AHCYL2: variants seen among roughly 807,000 people sequenced by gnomAD.
The protein encoded by AHCYL2 is S-adenosylhomocysteine hydrolase-like protein 2.
AHCYL2 carries 28 observed loss-of-function variants against 81.4 expected under a neutral mutation model. The ratio of observed to expected loss-of-function variants is 0.34; its 90% confidence interval spans 0.25 to 0.47. AHCYL2 has a LOEUF of 0.47. AHCYL2 is among the 20% of genes least tolerant of loss of function. The probability of loss-of-function intolerance (pLI) is 1.00; values close to 1 mark genes in which losing one functional copy is unlikely to be tolerated. For synonymous variants in AHCYL2, 272 were observed against 290.2 expected, an observed-to-expected ratio of 0.94 and a Z score of 0.64; for missense variants, 551 against 785.1, an observed-to-expected ratio of 0.70 and a Z score of 3.56.
intron 1 of AHCYL2, among the ~76,000 whole-genome samples, chr7:129,353,073 G>A (rs1001195008): frequency 7.9e-5 from 12 of 151,060 alleles, no homozygotes; most frequent in African/African-American, 2.7e-4. Flanking sequence ...AGCCTTCTGA[G>A]TAGCTGGGAT....
chr7:129,290,929 C>CA lies in AHCYL2; in HGVS notation c.363+65502dup, dbSNP rs1436774012. Reference sequence around the variant, plus strand: ...TGGGCGACAGAGTGAGACTCCATCTCAAAAAAAAAAAACAAAACAAAACAG... The same window carrying CA: ...TGGGCGACAGAGTGAGACTCCATCTCAAAAAAAAAAAAACAAAACAAAACAG... On this transcript the variant is annotated intron_variant, in intron 1 of 16. Coordinates refer to ENST00000325006, the MANE Select transcript of AHCYL2 (RefSeq NM_015328.4). Among the ~76,000 whole-genome samples the CA allele has an allele frequency of 6.6e-3, 780 of 118,936 alleles. 3 individuals carry two copies. The highest frequency in any genetic ancestry group is 9.5e-3 in the African/African-American group (305 of 32,122). 78.0% of individuals were successfully genotyped at this position (118,936 alleles called of 152,430 possible). A position where few individuals can be genotyped will look rare whatever the true frequency, so the allele number is the denominator to read the frequency against.
chr7:129,332,695 G>A (rs2150805117), intron 1 of AHCYL2, among the ~76,000 whole-genome samples: 1 of 152,232 alleles, frequency 6.6e-6, no homozygotes, highest in African/African-American at 2.4e-5. Context: ...AACATAATTT[G>A]AGCCGATCAT....
At chr7:129,245,185 T>C (rs6970267) in intron 1 of AHCYL2, among the ~76,000 whole-genome samples, 142,704 of 151,998 alleles carry the variant, frequency 0.94, 67,624 homozygotes, top group East Asian at 1. Context: ...CCACCATGCC[T>C]AGCTAATTTT....
At chr7:129,388,449 A>G (rs960133701) in intron 2 of AHCYL2, among the ~76,000 whole-genome samples, 7 of 152,226 alleles carry the variant, frequency 4.6e-5, no homozygotes, top group African/African-American at 1.4e-4. Context: ...AAAATGCCTA[A>G]CGCCAGACCT....
At chr7:129,237,164 G>C (rs1323111963) in intron 1 of AHCYL2, among the ~76,000 whole-genome samples, 1 of 151,816 alleles carries the variant, frequency 6.6e-6, no homozygotes, top group Non-Finnish European at 1.5e-5. Context: ...TTGTGTCTTA[G>C]AATTGCCTTT....
At chr7:129,374,519 AT>A (rs1794576717) in intron 1 of AHCYL2, among the ~76,000 whole-genome samples, 1 of 151,734 alleles carries the variant, frequency 6.6e-6, no homozygotes, top group African/African-American at 2.4e-5. Context: ...AAAAAAAAAA[AT>A]CTGCCGGCTG....
At position 129,403,432 on chromosome 7, in the gene AHCYL2, C is replaced by T; in HGVS notation, c.972C>T (p.Asn324=). The T allele has an allele frequency of 6.2e-7, 1 of 1,611,674 alleles. No homozygotes were observed. Among genetic ancestry groups the T allele is most frequent in the Non-Finnish European group, 8.5e-7 (1 of 1,178,832 alleles). ...ACTGGATTTATAAAAAGTATCCCAA[C>T]ATGTTTAAGAAAATCAAGGGCATAG... ...LTHWIYKKYP[N]MFKKIKGIVE... Residue 324 remains asparagine (N), a synonymous_variant, in exon 7 of 17, where the codon AAC becomes AAT. Transcript: ENST00000325006.
At chr7:129,324,619 C>T (rs1023797061) in intron 1 of AHCYL2, among the ~76,000 whole-genome samples, 4 of 152,062 alleles carry the variant, frequency 2.6e-5, no homozygotes, top group Non-Finnish European at 4.4e-5. Context: ...GGGTTCACGC[C>T]ATTCTCCTGC....
At chr7:129,408,090 A>G (rs1796387817) in intron 10 of AHCYL2, among the ~76,000 whole-genome samples, 1 of 152,216 alleles carries the variant, frequency 6.6e-6, no homozygotes, top group African/African-American at 2.4e-5. Flanking sequence ...TCATATGTCA[A>G]TATAATCACA....
At chr7:129,364,089 A>G (rs1219085117) in intron 1 of AHCYL2, among the ~76,000 whole-genome samples, 2 of 151,682 alleles carry the variant, frequency 1.3e-5, no homozygotes, top group African/African-American at 2.4e-5. Context: ...AAATTCAAAA[A>G]TGTGCCAGGT....
chr7:129,342,993 C>T (rs1203669569), intron 1 of AHCYL2, among the ~76,000 whole-genome samples: 1 of 152,136 alleles, frequency 6.6e-6, no homozygotes, highest in Non-Finnish European at 1.5e-5. Context: ...GCCTCTGGCC[C>T]CATTTCCTTT....
intron 1 of AHCYL2, among the ~76,000 whole-genome samples, chr7:129,378,291 A>G (rs1411276810): frequency 4.0e-5 from 6 of 150,950 alleles, no homozygotes; most frequent in Non-Finnish European, 8.8e-5. Context: ...CAGCCTGGCT[A>G]CAGAGTGAGA....
At chr7:129,366,368 A>G (rs539912367) in intron 1 of AHCYL2, among the ~76,000 whole-genome samples, 1 of 152,170 alleles carries the variant, frequency 6.6e-6, no homozygotes, top group Non-Finnish European at 1.5e-5. Context: ...CATAGATATT[A>G]CCTTCCTCTC....
intron 1 of AHCYL2, among the ~76,000 whole-genome samples, chr7:129,312,162 G>GT (rs1227000061): frequency 6.6e-6 from 1 of 152,036 alleles, no homozygotes; most frequent in Non-Finnish European, 1.5e-5. Flanking sequence ...ACGGCTCACT[G>GT]TAGTCTCTAC....
chr7:129,234,336 G>T (rs940581688), intron 1 of AHCYL2, among the ~76,000 whole-genome samples: 8 of 151,920 alleles, frequency 5.3e-5, no homozygotes, highest in African/African-American at 1.7e-4. Flanking sequence ...CCTCCGCCTC[G>T]TGAGTTCAAG....
chr7:129,241,226 T>G (rs1320612889), intron 1 of AHCYL2, among the ~76,000 whole-genome samples: 3 of 152,210 alleles, frequency 2.0e-5, no homozygotes, highest in Non-Finnish European at 2.9e-5. Context: ...TTATAAACGT[T>G]AAGTTCCAAA....
At chr7:129,327,725 A>G (rs1400277660) in intron 1 of AHCYL2, among the ~76,000 whole-genome samples, 1 of 152,144 alleles carries the variant, frequency 6.6e-6, no homozygotes. Flanking sequence ...TGGCCTCCCA[A>G]AGTGCTGAGA....
At chr7:129,417,891 A>T (rs977595122) in intron 12 of AHCYL2, among the ~76,000 whole-genome samples, 2 of 152,256 alleles carry the variant, frequency 1.3e-5, no homozygotes, top group African/African-American at 4.8e-5. Context: ...TAATAAAGAA[A>T]TAGATTGTTA....
At chr7:129,344,311 G>C (rs1271932983) in intron 1 of AHCYL2, among the ~76,000 whole-genome samples, 1 of 152,136 alleles carries the variant, frequency 6.6e-6, no homozygotes, top group Non-Finnish European at 1.5e-5. Context: ...ATGACAGTTT[G>C]ATTCATAATG....
Sources: allele counts gnomAD v4.1 joint callset (sites outside exome capture counted in the v4.1 genomes callset), GRCh38; gene constraint gnomAD v4.1.1; transcripts MANE v1.5; gene names NCBI Gene and HGNC (gene_info 2026-07-23, HGNC 2026-07-21).